Variants in LEPR observed in about 807,000 individuals in gnomAD.
The protein encoded by LEPR is OB receptor.
LEPR carries 56 observed loss-of-function variants against 114.7 expected under a neutral mutation model. The ratio of observed to expected loss-of-function variants is 0.49; its 90% confidence interval spans 0.39 to 0.61. The LOEUF is 0.61. Ranked by LOEUF, LEPR falls within the 20% of genes least tolerant of loss-of-function variation. The pLI is 0.00. For missense variants in LEPR, 1,202 were observed against 1,352.9 expected (o/e 0.89, Z 1.75); for synonymous variants, 443 against 461.4 (o/e 0.96, Z 0.51).
At chr1:65,440,114 G>A (rs923498273) in intron 2 of LEPR, among the ~76,000 whole-genome samples, 1 of 151,888 alleles carries the variant, frequency 6.6e-6, no homozygotes, top group Non-Finnish European at 1.5e-5. Context: ...TATTTAAATA[G>A]GGTGGATAGA....
chr1:65,422,602 T>C (rs765785465), intron 1 of LEPR, among the ~76,000 whole-genome samples: 1 of 152,234 alleles, frequency 6.6e-6, no homozygotes, highest in Non-Finnish European at 1.5e-5. Flanking sequence ...ATGCTTGAAC[T>C]GAATCTGAAG....
In LEPR at chr1:65,622,898, C is replaced by CT; in HGVS notation, c.2598-5dup. The CT allele has an allele frequency of 6.2e-7, 1 of 1,613,710 alleles. No individual in the cohort carries two copies. The highest frequency in any genetic ancestry group is 8.5e-7 in the Non-Finnish European group (1 of 1,179,814). Reference sequence around the variant, plus strand: ...CTCTAATTTTGATGCCCTGTTTATCCTTTGTAGAATGAAAAAGCTATTTTG... The same window carrying CT: ...CTCTAATTTTGATGCCCTGTTTATCCTTTTGTAGAATGAAAAAGCTATTTTG... On this transcript the variant is annotated splice_region_variant and splice_polypyrimidine_tract_variant and intron_variant, in intron 18 of 19. Coordinates refer to ENST00000349533, the MANE Select transcript of LEPR (RefSeq NM_002303.6).
At chr1:65,474,313 A>G (rs531944826) in intron 2 of LEPR, among the ~76,000 whole-genome samples, 1 of 152,328 alleles carries the variant, frequency 6.6e-6, no homozygotes, top group South Asian at 2.1e-4. Context: ...GCCTTTCCCC[A>G]GTGTACTTAA....
chr1:65,434,621 G>T, intron 2 of LEPR: 3 of 985,462 alleles, frequency 3.0e-6, no homozygotes, highest in Non-Finnish European at 3.6e-6. Flanking sequence ...AGGGTAGTGT[G>T]AGTAGTTTGG....
chr1:65,513,567 A>C (rs986560085), intron 2 of LEPR, among the ~76,000 whole-genome samples: 1 of 152,216 alleles, frequency 6.6e-6, no homozygotes, highest in Admixed American at 6.5e-5. Flanking sequence ...GTCAGGGAAT[A>C]GGCCTGGTGG....
chr1:65,466,406 A>G (rs1413137892), intron 2 of LEPR, among the ~76,000 whole-genome samples: 1 of 152,044 alleles, frequency 6.6e-6, no homozygotes, highest in African/African-American at 2.4e-5. Flanking sequence ...TGTTAGTCTG[A>G]TGGGCTTCTC....
At position 65,633,289 on chromosome 1, in the gene LEPR, C is replaced by T. The variant is rs1658598458; in HGVS notation, c.2674-2902C>T. On this transcript the variant is annotated intron_variant, in intron 19 of 19. Transcript: ENST00000349533. The surrounding 1 kb of genome is among the most constrained non-coding windows in gnomAD (Gnocchi z 4.1). ...CAAATCTAAAAAAAATTCAGTTGAA[C>T]TTCTGAGAGTTAACATATGGTGGAT... The T allele has an allele frequency of 2.6e-6, 4 of 1,521,732 alleles. No individual in the cohort carries two copies. The highest frequency in any genetic ancestry group is 3.5e-6 in the Non-Finnish European group (4 of 1,138,894). The allele number at this position is 1,521,732 out of a possible 1,614,324, so 94.3% of individuals were successfully genotyped here.
chr1:65,502,519 G>C (rs1490935124), intron 2 of LEPR, among the ~76,000 whole-genome samples: 1 of 152,006 alleles, frequency 6.6e-6, no homozygotes, highest in Non-Finnish European at 1.5e-5. Flanking sequence ...TGCTATTCTG[G>C]GTGCTGACGA....
At chr1:65,592,921 G>GT (rs1350117825) in intron 6 of LEPR, 56 bp downstream of exon 6, 1 of 1,582,016 alleles carries the variant, frequency 6.3e-7, no homozygotes, top group Non-Finnish European at 8.6e-7. Flanking sequence ...ATATATAAAG[G>GT]TTAAAAATTG....
intron 2 of LEPR, among the ~76,000 whole-genome samples, chr1:65,524,762 C>T (rs1649816290): frequency 6.6e-6 from 1 of 152,194 alleles, no homozygotes; most frequent in East Asian, 1.9e-4. Context: ...CCATATCACC[C>T]AGCGCTGATG....
intron 5 of LEPR, chr1:65,577,775 A>T (rs1325157230): frequency 6.5e-6 from 1 of 154,182 alleles, no homozygotes; most frequent in Admixed American, 6.5e-5. Context: ...ATTGTTTTGG[A>T]AATGGTCCAT....
intron 2 of LEPR, among the ~76,000 whole-genome samples, chr1:65,491,721 C>T (rs1338850858): frequency 6.6e-6 from 1 of 152,012 alleles, no homozygotes; most frequent in Non-Finnish European, 1.5e-5. Flanking sequence ...ATTTTACCAA[C>T]CATCAGGGCA....
intron 2 of LEPR, among the ~76,000 whole-genome samples, chr1:65,431,091 T>A (rs1351733687): frequency 1.3e-5 from 2 of 152,210 alleles, no homozygotes; most frequent in Non-Finnish European, 2.9e-5. Flanking sequence ...AGTTTGATCT[T>A]TGTCTAGATA....
chr1:65,430,383 A>G lies in LEPR; in HGVS notation c.-21+5005A>G, dbSNP rs560905949. ...CTAGCAGTACTTTTCTAGTTGCAAG[A>G]TGAAGATATTTCAAATTCTTCTCCT... On this transcript the variant is annotated intron_variant, in intron 2 of 19. Coordinates refer to ENST00000349533, the MANE Select transcript of LEPR (RefSeq NM_002303.6). 2.2e-4 allele frequency: 39 copies of G among 177,100 alleles called. No homozygotes were observed. The South Asian group carries it at 3.0e-3, about 13-fold the overall frequency. 11.0% of individuals were successfully genotyped at this position (177,100 alleles called of 1,614,324 possible).
chr1:65,463,500 A>G (rs1254656372), intron 2 of LEPR, among the ~76,000 whole-genome samples: 3 of 152,140 alleles, frequency 2.0e-5, no homozygotes, highest in Non-Finnish European at 4.4e-5. Flanking sequence ...TGTCTTGGCT[A>G]TGTGGGCTCT....
Position 65,638,476 on chromosome 1 carries a change from T to C in LEPR, c.*1461T>C, listed in dbSNP as rs1336443936. The C allele has an allele frequency of 6.6e-6, 1 of 152,180 alleles. No individual in the cohort carries two copies. The highest frequency in any genetic ancestry group is 1.5e-5 in the Non-Finnish European group (1 of 68,034). The allele number at this position is 152,180 out of a possible 1,614,324, so 9.4% of individuals were successfully genotyped here. On this transcript the variant is annotated 3_prime_UTR_variant, in exon 20 of 20. Coordinates refer to ENST00000349533, the MANE Select transcript of LEPR (RefSeq NM_002303.6). ...ATCAGTATCATCAAAATAAGTACTT[T>C]AGTGTTCAAAAATATGCCTATGGGT...
At chr1:65,565,512 G>A in intron 2 of LEPR, 34 bp from the exon 3 acceptor site, 1 of 1,607,536 alleles carries the variant, frequency 6.2e-7, no homozygotes, top group Non-Finnish European at 8.5e-7. Context: ...TTTTGTTTTT[G>A]TGTGTGTTCT....
chr1:65,625,845 A>T (rs1658173520), intron 19 of LEPR, among the ~76,000 whole-genome samples: 1 of 152,200 alleles, frequency 6.6e-6, no homozygotes. Flanking sequence ...TTTCTTAAAT[A>T]TGAGGGTTTT....
intron 5 of LEPR, among the ~76,000 whole-genome samples, chr1:65,587,909 T>C (rs1655422799): frequency 6.6e-6 from 1 of 152,086 alleles, no homozygotes; most frequent in South Asian, 2.1e-4. Flanking sequence ...AAAGCAACAC[T>C]TTTCCATACT....
Sources: allele counts gnomAD v4.1 joint callset (sites outside exome capture counted in the v4.1 genomes callset), GRCh38; gene constraint gnomAD v4.1.1; non-coding constraint Gnocchi (gnomAD v3.1); transcripts MANE v1.5; gene names NCBI Gene and HGNC (gene_info 2026-07-23, HGNC 2026-07-21).